The following UBE2QL1 variants were observed in gnomAD, a reference collection of about 807,000 sequenced individuals.
The protein encoded by UBE2QL1 is ubiquitin-conjugating enzyme E2Q-like protein 1.
In UBE2QL1, 5 loss-of-function variants were observed where a neutral mutation model predicts 12.6. That is an observed-to-expected ratio of 0.40 (90% confidence interval 0.21 to 0.83). The LOEUF is 0.83. UBE2QL1 is among the 40% of genes least tolerant of loss of function. The pLI is 0.37. For missense variants in UBE2QL1, 99 were observed against 222.6 expected (o/e 0.44, Z 3.53); for synonymous variants, 96 against 94.5 (o/e 1.02, Z -0.10).
At chr5:6,458,544 C>T (rs1290932518) in intron 1 of UBE2QL1, among the ~76,000 whole-genome samples, 2 of 152,150 alleles carry the variant, frequency 1.3e-5, no homozygotes, top group African/African-American at 2.4e-5. Flanking sequence ...TTTTGCCTTA[C>T]GGATCAATAT....
rs1249650118 is a variant in UBE2QL1 at position 6,481,525 on chromosome 5, G to A, written c.355-9693G>A. Among the ~76,000 whole-genome samples, 1 of 152,154 alleles carries A rather than the reference G, an allele frequency of 6.6e-6. No homozygotes were observed. Among genetic ancestry groups the A allele is most frequent in the Admixed American group, 6.5e-5 (1 of 15,272 alleles). Reference sequence around the variant, plus strand: ...CCACATCATTTAGGTTCCCTGGTGTGAGCTCCCACCACTATACCCAGCAGC... The same window carrying A: ...CCACATCATTTAGGTTCCCTGGTGTAAGCTCCCACCACTATACCCAGCAGC... On this transcript the variant is annotated intron_variant, in intron 1 of 1. Transcript: ENST00000399816. This position sits in a 1 kb window ranked among gnomAD's most constrained non-coding sequence, Gnocchi z 4.5.
At chr5:6,475,453 C>G (rs1734210654) in intron 1 of UBE2QL1, among the ~76,000 whole-genome samples, 1 of 152,124 alleles carries the variant, frequency 6.6e-6, no homozygotes, top group African/African-American at 2.4e-5. Context: ...GTATCTTTGT[C>G]CCCTATTTCC....
Position 6,455,951 on chromosome 5 carries a change from A to C in UBE2QL1, c.354+6704A>C, listed in dbSNP as rs559072481. Among the ~76,000 whole-genome samples the C allele has an allele frequency of 3.9e-5, 6 of 152,284 alleles. No individual in the cohort carries two copies. In the East Asian group the frequency reaches 1.2e-3, roughly 29 times the overall value. On this transcript the variant is annotated intron_variant, in intron 1 of 1. Coordinates refer to ENST00000399816, the MANE Select transcript of UBE2QL1 (RefSeq NM_001145161.3). ...GGACTGCTTATGTAGACTACGAGGG[A>C]GTGTAAACCCTGAAAAAGAAAATGT...
In UBE2QL1 at chr5:6,481,178, A is replaced by G. The variant is rs1293150267; in HGVS notation, c.355-10040A>G. On this transcript the variant is annotated intron_variant, in intron 1 of 1. Coordinates refer to ENST00000399816, the MANE Select transcript of UBE2QL1 (RefSeq NM_001145161.3). This position sits in a 1 kb window ranked among gnomAD's most constrained non-coding sequence, Gnocchi z 4.5. ...GCTTCGTTGTGGCTGCACCTGCCCT[A>G]ATTCCCCGTTTCTAGATTTCCTGCT... Among the ~76,000 whole-genome samples, 1 of 151,906 alleles carries G rather than the reference A, an allele frequency of 6.6e-6. No individual in the cohort carries two copies. The highest frequency in any genetic ancestry group is 2.4e-5 in the African/African-American group (1 of 41,326).
In UBE2QL1 at chr5:6,476,765, C is replaced by T. The variant is rs2126359035; in HGVS notation, c.355-14453C>T. On this transcript the variant is annotated intron_variant, in intron 1 of 1. Transcript: ENST00000399816. The surrounding 1 kb of genome is among the most constrained non-coding windows in gnomAD (Gnocchi z 4.9). Reference sequence around the variant, plus strand: ...CCACTTGCTAATTAATGGGTTTCTTCACAGGAAAATGTAGTTGAGATTTGT... The same window carrying T: ...CCACTTGCTAATTAATGGGTTTCTTTACAGGAAAATGTAGTTGAGATTTGT... Among the ~76,000 whole-genome samples the T allele has an allele frequency of 6.6e-6, 1 of 152,252 alleles. No homozygotes were observed. The highest frequency in any genetic ancestry group is 1.9e-4 in the East Asian group (1 of 5,182).
chr5:6,469,561 AGTGT>A (rs763837213), intron 1 of UBE2QL1, among the ~76,000 whole-genome samples: 154 of 146,240 alleles, frequency 1.1e-3, no homozygotes, highest in African/African-American at 3.1e-3. Context: ...ATATAATCTA[AGTGT>A]GTGTGTGTGT....
chr5:6,488,806 G>GA (rs10658559), intron 1 of UBE2QL1, among the ~76,000 whole-genome samples: 43,125 of 124,644 alleles, frequency 0.35, 6,280 homozygotes, highest in South Asian at 0.42. Flanking sequence ...TCTGTCTCAA[G>GA]AAAAAAAAAA....
chr5:6,456,460 C>G (rs916741980), intron 1 of UBE2QL1, among the ~76,000 whole-genome samples: 28 of 152,186 alleles, frequency 1.8e-4, no homozygotes, highest in African/African-American at 6.8e-4. Context: ...AATGGAAAGG[C>G]CAGGCATGCC....
At position 6,495,649 on chromosome 5, in the gene UBE2QL1, C is replaced by T. The variant is rs1017775493; in HGVS notation, c.*4300C>T. ...GCCAGCTGAGAAACACCCACAGGAT[C>T]CATTCTGTGCCCAAAGCAAATTGGA... On this transcript the variant is annotated 3_prime_UTR_variant, in exon 2 of 2. Coordinates refer to ENST00000399816, the MANE Select transcript of UBE2QL1 (RefSeq NM_001145161.3). Among the ~76,000 whole-genome samples, 3 of 152,236 alleles carry T rather than the reference C, an allele frequency of 2.0e-5. No individual in the cohort carries two copies. Among genetic ancestry groups the T allele is most frequent in the Non-Finnish European group, 4.4e-5 (3 of 68,044 alleles).
At position 6,479,889 on chromosome 5, in the gene UBE2QL1, C is replaced by T. The variant is rs923716062; in HGVS notation, c.355-11329C>T. Among the ~76,000 whole-genome samples, 1 of 152,160 alleles carries T rather than the reference C, an allele frequency of 6.6e-6. No individual in the cohort carries two copies. Among genetic ancestry groups the T allele is most frequent in the Non-Finnish European group, 1.5e-5 (1 of 68,022 alleles). ...AGGCCCCCACATGTGCTGCAAAGACCAGAATGTACGTAGTAAAGGTAGACT... is the reference window on the plus strand; with the variant it reads ...AGGCCCCCACATGTGCTGCAAAGACTAGAATGTACGTAGTAAAGGTAGACT... On this transcript the variant is annotated intron_variant, in intron 1 of 1. Transcript: ENST00000399816. This position sits in a 1 kb window ranked among gnomAD's most constrained non-coding sequence, Gnocchi z 4.2.
intron 1 of UBE2QL1, among the ~76,000 whole-genome samples, chr5:6,482,311 T>C: frequency 6.6e-6 from 1 of 152,012 alleles, no homozygotes; most frequent in East Asian, 1.9e-4. Context: ...CCAGTTGGAG[T>C]GCTGTGTTCC....
rs1734282398 is a variant in UBE2QL1 at position 6,478,314 on chromosome 5, G to A, written c.355-12904G>A. Among the ~76,000 whole-genome samples, 1 of 152,178 alleles carries A rather than the reference G, an allele frequency of 6.6e-6. No homozygotes were observed. The highest frequency in any genetic ancestry group is 2.4e-5 in the African/African-American group (1 of 41,426). ...ATGCTGTATGACATGAGCTTTCTCT[G>A]TCATTGTAAGTAACATGGCTTGGAA... On this transcript the variant is annotated intron_variant, in intron 1 of 1. Coordinates refer to ENST00000399816, the MANE Select transcript of UBE2QL1 (RefSeq NM_001145161.3). This position sits in a 1 kb window ranked among gnomAD's most constrained non-coding sequence, Gnocchi z 4.5.
At chr5:6,475,094 GAATT>G (rs1432513617) in intron 1 of UBE2QL1, among the ~76,000 whole-genome samples, 1 of 152,140 alleles carries the variant, frequency 6.6e-6, no homozygotes, top group Non-Finnish European at 1.5e-5. Context: ...ATCACCGATT[GAATT>G]ATTTTCTTTA....
rs924689757 is a variant in UBE2QL1, at chr5:6,481,434, A to T, written c.355-9784A>T. On this transcript the variant is annotated intron_variant, in intron 1 of 1. Coordinates refer to ENST00000399816, the MANE Select transcript of UBE2QL1 (RefSeq NM_001145161.3). The surrounding 1 kb of genome is among the most constrained non-coding windows in gnomAD (Gnocchi z 4.5). ...TAGGTGCAGGGAGGGTGACCTGCTC[A>T]CGGGCCTATGGCTAGAGAGCAGAGA... 6.6e-6 allele frequency among the ~76,000 whole-genome samples: 1 copy of T among 152,098 alleles called. No homozygotes were observed. The highest frequency in any genetic ancestry group is 1.5e-5 in the Non-Finnish European group (1 of 67,998).
chr5:6,471,710 A>G (rs1739916586), intron 1 of UBE2QL1, among the ~76,000 whole-genome samples: 1 of 152,242 alleles, frequency 6.6e-6, no homozygotes, highest in South Asian at 2.1e-4. Context: ...CAGGGAGTGA[A>G]CGCCAGGAAT....
chr5:6,449,647 T>G (rs2126313840), intron 1 of UBE2QL1, among the ~76,000 whole-genome samples: 1 of 151,148 alleles, frequency 6.6e-6, no homozygotes, highest in Non-Finnish European at 1.5e-5. Context: ...CTCTCACCCC[T>G]TTCTCTGTCC....
At chr5:6,463,651 G>A (rs965841848) in intron 1 of UBE2QL1, among the ~76,000 whole-genome samples, 10 of 128,714 alleles carry the variant, frequency 7.8e-5, no homozygotes, top group Admixed American at 2.3e-4. Flanking sequence ...TTTTTGATGC[G>A]GAGTCTTGCT....
chr5:6,472,401 T>A (rs773639342), intron 1 of UBE2QL1, among the ~76,000 whole-genome samples: 5 of 152,064 alleles, frequency 3.3e-5, no homozygotes, highest in African/African-American at 4.8e-5. Flanking sequence ...CAGAATGCCT[T>A]TGACATTCTG....
intron 1 of UBE2QL1, among the ~76,000 whole-genome samples, chr5:6,485,971 C>G (rs1172247008): frequency 6.6e-6 from 1 of 152,078 alleles, no homozygotes; most frequent in East Asian, 1.9e-4. Context: ...CATGAAAAGA[C>G]AGAAATATGG....
Sources: gnomAD v4.1 joint callset for allele counts (sites outside exome capture counted in the v4.1 genomes callset) on GRCh38, gnomAD v4.1.1 for gene constraint, Gnocchi (gnomAD v3.1) non-coding constraint, MANE v1.5 for transcripts, NCBI Gene and HGNC (gene_info 2026-07-23, HGNC 2026-07-21) for gene names.